CDKAL1: variants seen among roughly 807,000 people sequenced by gnomAD.
The protein encoded by CDKAL1 is threonylcarbamoyladenosine tRNA methylthiotransferase.
In CDKAL1, 32 loss-of-function variants were observed where a neutral mutation model predicts 68.2. The ratio of observed to expected loss-of-function variants is 0.47; its 90% CI spans 0.35 to 0.63. The LOEUF (loss-of-function observed/expected upper bound fraction) is 0.63, where lower values mean the gene tolerates loss of function less well. CDKAL1 is among the 30% of genes least tolerant of loss of function. The pLI is 0.00. For missense variants in CDKAL1, 606 were observed against 696.7 expected (o/e 0.87, Z 1.47); for synonymous variants, 234 against 244.3 (o/e 0.96, Z 0.39).
At chr6:20,862,291 C>G (rs1759672952) in intron 9 of CDKAL1, among the ~76,000 whole-genome samples, 1 of 152,136 alleles carries the variant, frequency 6.6e-6, no homozygotes, top group Non-Finnish European at 1.5e-5. Context: ...AGCAGCGATT[C>G]AGTTAAGCTT....
At position 20,609,401 on chromosome 6, in the gene CDKAL1, C is replaced by CTTCTTT. The variant is rs1554162718; in HGVS notation, c.287-39890_287-39889insCTTTTT. ...TCTTCTTCTTCTTCTTCTTCTTCTT[C>CTTCTTT]TTTTTTTTTTTTGAGATGGAATCTC... On this transcript the variant is annotated intron_variant, in intron 4 of 15. Transcript: ENST00000274695. Among the ~76,000 whole-genome samples, 7 of 49,764 alleles carry CTTCTTT rather than the reference C, an allele frequency of 1.4e-4. 1 individual carries two copies. The highest frequency in any genetic ancestry group is 0.018 in the Middle Eastern group (2 of 110). 32.6% of individuals were successfully genotyped at this position (49,764 alleles called of 152,430 possible). A position where few individuals can be genotyped will look rare whatever the true frequency, so the allele number is the denominator to read the frequency against.
chr6:20,560,309 G>C (rs1764217945), intron 4 of CDKAL1, among the ~76,000 whole-genome samples: 1 of 152,102 alleles, frequency 6.6e-6, no homozygotes, highest in Non-Finnish European at 1.5e-5. Context: ...CCCTTTCAGA[G>C]GCAGTATGAC....
intron 8 of CDKAL1, among the ~76,000 whole-genome samples, chr6:20,801,279 A>G (rs576280726): frequency 6.6e-6 from 1 of 152,020 alleles, no homozygotes; most frequent in Non-Finnish European, 1.5e-5. Context: ...CTCATCTACC[A>G]CCTTAGGCTT....
chr6:21,012,954 A>G (rs767931445), intron 11 of CDKAL1, among the ~76,000 whole-genome samples: 7 of 152,176 alleles, frequency 4.6e-5, no homozygotes, highest in Non-Finnish European at 8.8e-5. Flanking sequence ...TGTCAGTTCC[A>G]TTAACAACTA....
intron 4 of CDKAL1, among the ~76,000 whole-genome samples, chr6:20,641,949 G>C (rs896587458): frequency 6.6e-6 from 1 of 152,196 alleles, no homozygotes; most frequent in African/African-American, 2.4e-5. Context: ...CTTCCAAAGA[G>C]TTTCATCAGC....
intron 5 of CDKAL1, among the ~76,000 whole-genome samples, chr6:20,721,979 C>T (rs904583731): frequency 5.3e-5 from 8 of 152,062 alleles, no homozygotes; most frequent in Non-Finnish European, 8.8e-5. Flanking sequence ...GATCCTCCCC[C>T]CTTGGCCTCC....
In CDKAL1 at chr6:21,184,823, A is replaced by ATTT. The variant is rs34599800; in HGVS notation, c.1300-13178_1300-13176dup. ...AGGTGTGCACTACCACGTGCAGCTA[A>ATTT]TTTTTTTTTTTTTTTTTTTTTTCTG... On this transcript the variant is annotated intron_variant, in intron 13 of 15. Coordinates refer to ENST00000274695, the MANE Select transcript of CDKAL1 (RefSeq NM_017774.3). 1.2e-3 allele frequency among the ~76,000 whole-genome samples: 123 copies of ATTT among 101,600 alleles called. 7 individuals are homozygous for ATTT. The highest frequency in any genetic ancestry group is 1.7e-3 in the African/African-American group (40 of 24,180). 66.7% of individuals were successfully genotyped at this position (101,600 alleles called of 152,430 possible). A position where few individuals can be genotyped will look rare whatever the true frequency, so the allele number is the denominator to read the frequency against.
intron 8 of CDKAL1, among the ~76,000 whole-genome samples, chr6:20,832,472 TAAA>T (rs368550576): frequency 1.5e-5 from 2 of 130,380 alleles, no homozygotes; most frequent in Admixed American, 7.7e-5. Context: ...TGTCTCTAAT[TAAA>T]AAAAAAAAAA....
At chr6:20,784,740 A>G (rs865819522) in intron 8 of CDKAL1, among the ~76,000 whole-genome samples, 2 of 152,142 alleles carry the variant, frequency 1.3e-5, no homozygotes, top group African/African-American at 2.4e-5. Flanking sequence ...TTTTCAATCC[A>G]TGATTGGTTC....
chr6:20,721,732 T>G (rs1349807155), intron 5 of CDKAL1, among the ~76,000 whole-genome samples: 6 of 133,414 alleles, frequency 4.5e-5, no homozygotes, highest in South Asian at 2.5e-4. Flanking sequence ...TCTGTTTTTT[T>G]TTTTTTTTTT....
chr6:20,878,702 C>G (rs181048135), intron 9 of CDKAL1, among the ~76,000 whole-genome samples: 1 of 152,104 alleles, frequency 6.6e-6, no homozygotes, highest in Non-Finnish European at 1.5e-5. Flanking sequence ...TGCCACTGCA[C>G]TCCAGCCTGG....
chr6:20,678,349 T>C (rs1342390332), intron 5 of CDKAL1, among the ~76,000 whole-genome samples: 1 of 152,236 alleles, frequency 6.6e-6, no homozygotes, highest in Admixed American at 6.5e-5. Flanking sequence ...TGGATTATTC[T>C]TTGTATGTTA....
rs58717424 is a variant in CDKAL1, at chr6:20,875,305, CAAAAAAAA to C, written c.742+29146_742+29153del. 7.2e-3 allele frequency among the ~76,000 whole-genome samples: 513 copies of C among 71,230 alleles called. 4 individuals carry two copies. Among genetic ancestry groups the C allele is most frequent in the African/African-American group, 0.029 (481 of 16,340 alleles). The allele number at this position is 71,230 out of a possible 152,430, so 46.7% of individuals were successfully genotyped here. ...TGGGCGACAGAGCGAGACTCCGTCTCAAAAAAAAAAAAAAAAAAAAAAAAAAGTCTAGC... is the reference window on the plus strand; with the variant it reads ...TGGGCGACAGAGCGAGACTCCGTCTCAAAAAAAAAAAAAAAAAAGTCTAGC... On this transcript the variant is annotated intron_variant, in intron 9 of 15. Coordinates refer to ENST00000274695, the MANE Select transcript of CDKAL1 (RefSeq NM_017774.3).
chr6:21,173,248 T>C (rs544101991), intron 13 of CDKAL1, among the ~76,000 whole-genome samples: 2 of 152,162 alleles, frequency 1.3e-5, no homozygotes, highest in African/African-American at 4.8e-5. Flanking sequence ...TCTTAGGGTG[T>C]GGATGTTGTT....
At chr6:20,762,716 C>T (rs968753362) in intron 7 of CDKAL1, among the ~76,000 whole-genome samples, 1 of 152,144 alleles carries the variant, frequency 6.6e-6, no homozygotes, top group East Asian at 1.9e-4. Flanking sequence ...GGCATTAGTT[C>T]ATGTTAATGC....
intron 9 of CDKAL1, among the ~76,000 whole-genome samples, chr6:20,902,153 C>T (rs1762020370): frequency 6.6e-6 from 1 of 152,174 alleles, no homozygotes; most frequent in African/African-American, 2.4e-5. Flanking sequence ...AACTTTATCT[C>T]AAGAACCTTT....
intron 9 of CDKAL1, among the ~76,000 whole-genome samples, chr6:20,880,305 G>C (rs567307585): frequency 1.3e-5 from 2 of 152,046 alleles, no homozygotes; most frequent in Admixed American, 1.3e-4. Flanking sequence ...TTCCAGGCTG[G>C]AGTGCAGTGG....
chr6:20,787,870 A>G (rs1775741219), intron 8 of CDKAL1, among the ~76,000 whole-genome samples: 1 of 152,202 alleles, frequency 6.6e-6, no homozygotes, highest in African/African-American at 2.4e-5. Context: ...TTTTACACAG[A>G]TACTGGTTTA....
chr6:20,742,528 G>T (rs1435521824), intron 6 of CDKAL1, among the ~76,000 whole-genome samples: 1 of 151,736 alleles, frequency 6.6e-6, no homozygotes, highest in Non-Finnish European at 1.5e-5. Flanking sequence ...ATTTTTTGAT[G>T]TTCTTTCATG....
Sources: allele counts gnomAD v4.1 joint callset (sites outside exome capture counted in the v4.1 genomes callset), GRCh38; gene constraint gnomAD v4.1.1; transcripts MANE v1.5; gene names NCBI Gene and HGNC (gene_info 2026-07-23, HGNC 2026-07-21).